The following FBXW10 variants were observed in gnomAD, a reference collection of about 807,000 sequenced individuals.
The protein encoded by FBXW10 is F-box and WD repeat domain containing 10.
In FBXW10, 68 loss-of-function variants were observed where a neutral mutation model predicts 113.1. The observed-to-expected ratio is 0.60, with a 90% CI of 0.49 to 0.74. The LOEUF (loss-of-function observed/expected upper bound fraction) is 0.74, where lower values mean the gene tolerates loss of function less well. Among genes scored for constraint, FBXW10 ranks in the 30% least tolerant of loss-of-function variants. The pLI is 0.00. For synonymous variants in FBXW10, 289 were observed against 481.6 expected (o/e 0.60, Z 5.24); for missense variants, 753 against 1,284.5 (o/e 0.59, Z 6.32).
intron 5 of FBXW10, among the ~76,000 whole-genome samples, chr17:18,755,687 G>T (rs1008706022): frequency 1.1e-4 from 17 of 152,150 alleles, no homozygotes; most frequent in African/African-American, 3.9e-4. Context: ...CTGTGAAATG[G>T]TCGGTCAAAG....
At chr17:18,746,066 A>G (rs1276868837) in intron 1 of FBXW10, among the ~76,000 whole-genome samples, 1 of 152,196 alleles carries the variant, frequency 6.6e-6, no homozygotes, top group Non-Finnish European at 1.5e-5. Flanking sequence ...AGGCAAGAGA[A>G]GTAGCAAGAG....
In FBXW10 at chr17:18,778,794, C is replaced by T. The variant is rs373925015; in HGVS notation, c.2655C>T (p.Pro885=). The change falls in exon 14 of 14, where the codon CCC becomes CCT. Residue 885 remains proline (P), a synonymous_variant. Transcript: ENST00000395665. ...PPIDVKRTSI[P]LEIQKLQPNL... is the part of the protein sequence containing the mutation. Reference sequence around the variant, plus strand: ...TAGATGTGAAACGAACCAGTATTCCCCTTGAAATCCAGAAACTGCAGCCCA... The same window carrying T: ...TAGATGTGAAACGAACCAGTATTCCTCTTGAAATCCAGAAACTGCAGCCCA... The T allele has an allele frequency of 2.3e-5, 37 of 1,613,842 alleles. No homozygotes were observed. Among genetic ancestry groups the T allele is most frequent in the Non-Finnish European group, 2.8e-5 (33 of 1,179,842 alleles).
At chr17:18,774,461 G>C (rs4924924) in intron 12 of FBXW10, among the ~76,000 whole-genome samples, 72,283 of 152,112 alleles carry the variant, frequency 0.48, 17,429 homozygotes, top group Non-Finnish European at 0.51. Flanking sequence ...GAAGGGATAA[G>C]TTCCAGCGTT....
Position 18,744,058 on chromosome 17 carries a change from T to G in FBXW10, c.-187T>G. The G allele has an allele frequency of 1.2e-6, 1 of 862,910 alleles. No homozygotes were observed. The highest frequency in any genetic ancestry group is 1.7e-6 in the Non-Finnish European group (1 of 575,614). 53.5% of individuals were successfully genotyped at this position (862,910 alleles called of 1,614,324 possible). Reference sequence around the variant, plus strand: ...AGGAGGTCTGTACAAAAAGCCAGACTTCTGCTGGCAGTTACTGAGAGAGAT... The same window carrying G: ...AGGAGGTCTGTACAAAAAGCCAGACGTCTGCTGGCAGTTACTGAGAGAGAT... On this transcript the variant is annotated 5_prime_UTR_variant, in exon 1 of 14. Transcript: ENST00000395665.
chr17:18,754,783 G>A (rs2035228104), intron 5 of FBXW10, among the ~76,000 whole-genome samples: 1 of 152,178 alleles, frequency 6.6e-6, no homozygotes, highest in Non-Finnish European at 1.5e-5. Flanking sequence ...CAGGCAGGAA[G>A]GAAATAAAGA....
chr17:18,756,026 T>G lies in FBXW10; in HGVS notation c.1123-19T>G. On this transcript the variant is annotated intron_variant, in intron 5 of 13. Transcript: ENST00000395665. ...TTGAAGTTACCACTGAGCTTTAACT[T>G]CAAATATTCCCTTGTTAGAATGAGT... 1.9e-6 allele frequency: 3 copies of G among 1,611,254 alleles called. No homozygotes were observed. The highest frequency in any genetic ancestry group is 2.5e-6 in the Non-Finnish European group (3 of 1,178,264).
chr17:18,756,036 C>T lies in FBXW10; in HGVS notation c.1123-9C>T, dbSNP rs749345541. 3.0e-5 allele frequency: 49 copies of T among 1,612,684 alleles called. No homozygotes were observed. In the Middle Eastern group the frequency reaches 4.9e-4, roughly 16 times the overall value. On this transcript the variant is annotated splice_polypyrimidine_tract_variant and intron_variant, in intron 5 of 13. Transcript: ENST00000395665. ...CACTGAGCTTTAACTTCAAATATTC[C>T]CTTGTTAGAATGAGTACAACCTGTG...
chr17:18,752,004 T>C (rs1392112203), intron 5 of FBXW10, among the ~76,000 whole-genome samples: 3 of 51,398 alleles, frequency 5.8e-5, no homozygotes, highest in African/African-American at 1.9e-4. Flanking sequence ...TAAAGTCTAT[T>C]TTAAAGTCTA....
At chr17:18,764,225 CAG>C (rs1206127346) in intron 7 of FBXW10, among the ~76,000 whole-genome samples, 1 of 128,674 alleles carries the variant, frequency 7.8e-6, no homozygotes, top group Non-Finnish European at 1.6e-5. Flanking sequence ...TTTTTTGAGA[CAG>C]AGTCTCGCTC....
At chr17:18,763,287 G>T (rs1292086003) in intron 7 of FBXW10, among the ~76,000 whole-genome samples, 2 of 151,764 alleles carry the variant, frequency 1.3e-5, no homozygotes, top group African/African-American at 4.8e-5. Flanking sequence ...CTCCCGAGTA[G>T]CTGGGACTAC....
intron 8 of FBXW10, among the ~76,000 whole-genome samples, chr17:18,766,463 C>T (rs1332757330): frequency 2.6e-5 from 4 of 152,176 alleles, no homozygotes; most frequent in Admixed American, 1.3e-4. Flanking sequence ...GTTCCAGGGC[C>T]ATAGCCAAGG....
At chr17:18,748,229 C>T in intron 2 of FBXW10, 124 bp downstream of exon 2, 1 of 1,472,814 alleles carries the variant, frequency 6.8e-7, no homozygotes, top group Non-Finnish European at 9.1e-7. Flanking sequence ...ACCATCCTGG[C>T]TAACACGGTG....
chr17:18,753,371 C>A (rs1399305966), intron 5 of FBXW10, among the ~76,000 whole-genome samples: 1 of 151,924 alleles, frequency 6.6e-6, no homozygotes, highest in Non-Finnish European at 1.5e-5. Flanking sequence ...ACTCTCCCTC[C>A]CAGATAAGCA....
intron 11 of FBXW10, among the ~76,000 whole-genome samples, 164 bp from the exon 12 acceptor site, chr17:18,772,248 C>T (rs2035628494): frequency 6.6e-6 from 1 of 152,214 alleles, no homozygotes; most frequent in Non-Finnish European, 1.5e-5. Flanking sequence ...CTCCTGGTAA[C>T]TTTCACCACT....
chr17:18,778,527 A>G lies in FBXW10; in HGVS notation c.2388A>G (p.Lys796=). Residue 796 remains lysine (K), a synonymous_variant, in exon 14 of 14, where the codon AAA becomes AAG. Transcript: ENST00000395665. ...AAGGACAATTGGAAACTCCTGGAAA[A>G]CTGCCCAGTCACCCAAAGAAAAAGT... ...QKQGQLETPG[K]LPSHPKKKSW... is the part of the protein sequence containing the mutation. 1 of 1,613,738 alleles carries G rather than the reference A, an allele frequency of 6.2e-7. No homozygotes were observed. The highest frequency in any genetic ancestry group is 8.5e-7 in the Non-Finnish European group (1 of 1,179,710).
rs770069929 is a variant in FBXW10, at chr17:18,764,713, C to T, written c.1434-29C>T. 6.8e-6 allele frequency: 11 copies of T among 1,613,764 alleles called. No individual in the cohort carries two copies. The African/African-American group carries it at 8.0e-5, about 12-fold the overall frequency. ...ATGATCCTCTGGGCCCTCAGGAACT[C>T]TCACATTCTTTTGGCCTGATTCCTG... is the stretch of plus-strand genomic sequence containing the variant. On this transcript the variant is annotated intron_variant, in intron 7 of 13. Transcript: ENST00000395665.
intron 9 of FBXW10, among the ~76,000 whole-genome samples, chr17:18,767,443 CAAA>C (rs5819658): frequency 4.0e-5 from 5 of 123,990 alleles, no homozygotes; most frequent in Non-Finnish European, 5.2e-5. Context: ...TCATGCGTCT[CAAA>C]AAAAAAAAAA....
At chr17:18,759,673 C>T (rs201848876) in intron 7 of FBXW10, among the ~76,000 whole-genome samples, 8,838 of 117,964 alleles carry the variant, frequency 0.075, no homozygotes, top group East Asian at 0.16. Flanking sequence ...AGAGCAGTGG[C>T]GCCATGTTGG....
Position 18,751,432 on chromosome 17 carries a change from G to A in FBXW10, c.1122+379G>A, listed in dbSNP as rs566188926. Among the ~76,000 whole-genome samples, 74 of 152,064 alleles carry A rather than the reference G, an allele frequency of 4.9e-4. No homozygotes were observed. The South Asian group carries it at 0.014, about 28-fold the overall frequency. On this transcript the variant is annotated intron_variant, in intron 5 of 13. Transcript: ENST00000395665. ...TTTTTAGTGGAGGCGGGGTTTCACCGTGTTAGCCCAGATGGTCTTGATCTC... is the reference window on the plus strand; with the variant it reads ...TTTTTAGTGGAGGCGGGGTTTCACCATGTTAGCCCAGATGGTCTTGATCTC...
Sources: gnomAD v4.1 joint callset for allele counts (sites outside exome capture counted in the v4.1 genomes callset) on GRCh38, gnomAD v4.1.1 for gene constraint, MANE v1.5 for transcripts, NCBI Gene and HGNC (gene_info 2026-07-23, HGNC 2026-07-21) for gene names.